The following GRIN2A variants were observed in gnomAD, a reference collection of about 807,000 sequenced individuals.
GRIN2A encodes the protein glutamate receptor ionotropic, NMDA 2A.
GRIN2A carries 22 observed loss-of-function variants against 113.4 expected under a neutral mutation model. The observed-to-expected ratio is 0.19, with a 90% CI of 0.14 to 0.28. The LOEUF (loss-of-function observed/expected upper bound fraction) is 0.28, where lower values mean the gene tolerates loss of function less well. GRIN2A is among the 10% of genes least tolerant of loss of function. GRIN2A has a pLI of 1.00. For synonymous variants in GRIN2A, 827 were observed against 738.4 expected, an observed-to-expected ratio of 1.12 and a Z score of -1.94; for missense variants, 1,502 against 1,887.0, an observed-to-expected ratio of 0.80 and a Z score of 3.78.
chr16:9,809,599 T>A (rs13336207), intron 10 of GRIN2A, among the ~76,000 whole-genome samples: 2,356 of 152,056 alleles, frequency 0.015, 63 homozygotes, highest in African/African-American at 0.054. Context: ...AGAAGCAATA[T>A]AGCATAATGG....
At chr16:10,170,406 T>C (rs748716062) in intron 2 of GRIN2A, among the ~76,000 whole-genome samples, 29 of 152,206 alleles carry the variant, frequency 1.9e-4, no homozygotes, top group Non-Finnish European at 3.2e-4. Context: ...ACCTAATGTA[T>C]AGCATGGTGA....
At chr16:10,068,563 C>T (rs1207795185) in intron 2 of GRIN2A, among the ~76,000 whole-genome samples, 1 of 152,180 alleles carries the variant, frequency 6.6e-6, no homozygotes, top group African/African-American at 2.4e-5. Flanking sequence ...CCAAGCCATT[C>T]ACAAGGGATC....
At chr16:10,163,165 C>A (rs1003307763) in intron 2 of GRIN2A, among the ~76,000 whole-genome samples, 1 of 152,172 alleles carries the variant, frequency 6.6e-6, no homozygotes, top group African/African-American at 2.4e-5. Context: ...AGACAGGGAA[C>A]ATGGGAGTGG....
chr16:9,989,977 T>C (rs1237480006), intron 2 of GRIN2A, among the ~76,000 whole-genome samples: 2 of 152,196 alleles, frequency 1.3e-5, no homozygotes, highest in East Asian at 3.8e-4. Flanking sequence ...AGTTTGGAGA[T>C]TTCTCAAAGA....
chr16:9,788,773 C>A (rs1316363815), intron 11 of GRIN2A, among the ~76,000 whole-genome samples: 1 of 136,878 alleles, frequency 7.3e-6, no homozygotes, highest in Non-Finnish European at 1.6e-5. Context: ...GACAGAGTCT[C>A]ATTTTGTTGC....
intron 3 of GRIN2A, among the ~76,000 whole-genome samples, chr16:9,900,506 T>G (rs1367089250): frequency 6.6e-6 from 1 of 152,160 alleles, no homozygotes; most frequent in African/African-American, 2.4e-5. Context: ...AAAGCTTTTT[T>G]CTGTAAATAT....
intron 2 of GRIN2A, among the ~76,000 whole-genome samples, chr16:9,993,567 A>G (rs1032171657): frequency 1.3e-5 from 2 of 152,148 alleles, no homozygotes; most frequent in African/African-American, 4.8e-5. Context: ...CTAAAATAAA[A>G]TAAATAATAA....
At chr16:9,860,889 A>C (rs1252298310) in intron 4 of GRIN2A, among the ~76,000 whole-genome samples, 1 of 152,206 alleles carries the variant, frequency 6.6e-6, no homozygotes, top group East Asian at 1.9e-4. Context: ...GCTCACCCAC[A>C]ATGCAGTTCA....
chr16:9,977,183 T>C (rs1016227086), intron 2 of GRIN2A, among the ~76,000 whole-genome samples: 5 of 151,844 alleles, frequency 3.3e-5, no homozygotes, highest in Admixed American at 2.0e-4. Flanking sequence ...TCCCAGCTAC[T>C]TGGGAGGCTG....
At chr16:9,965,623 A>C (rs2045542021) in intron 2 of GRIN2A, among the ~76,000 whole-genome samples, 1 of 152,222 alleles carries the variant, frequency 6.6e-6, no homozygotes, top group Non-Finnish European at 1.5e-5. Flanking sequence ...CCAACAGTCC[A>C]TCTCTGATGT....
intron 2 of GRIN2A, among the ~76,000 whole-genome samples, chr16:10,080,317 G>C (rs761114705): frequency 9.2e-5 from 14 of 152,122 alleles, no homozygotes; most frequent in Non-Finnish European, 1.6e-4. Flanking sequence ...CCACCAAAAG[G>C]CACCTTTTTA....
intron 2 of GRIN2A, among the ~76,000 whole-genome samples, chr16:10,036,009 C>A (rs7199239): frequency 6.6e-6 from 1 of 152,154 alleles, no homozygotes; most frequent in East Asian, 1.9e-4. Context: ...CAGGCGTAAG[C>A]CACCATGCCC....
In GRIN2A at chr16:9,788,743, T is replaced by C. The variant is rs67399083; in HGVS notation, c.2356+9534A>G. On this transcript the variant is annotated intron_variant, in intron 11 of 12. Transcript: ENST00000330684. The stretch of plus-strand genomic sequence containing the variant: ...TGGACAACCAACTTTAAGTCTTCTT[T>C]TTTTTTTTTTTTTTTCTGAGACAGA... Among the ~76,000 whole-genome samples, 313 of 69,906 alleles carry C rather than the reference T, an allele frequency of 4.5e-3. 2 individuals carry two copies. The highest frequency in any genetic ancestry group is 7.2e-3 in the African/African-American group (78 of 10,854). The allele number at this position is 69,906 out of a possible 152,430, so 45.9% of individuals were successfully genotyped here.
intron 2 of GRIN2A, among the ~76,000 whole-genome samples, chr16:10,160,518 A>T (rs1231478531): frequency 1.3e-5 from 2 of 152,198 alleles, no homozygotes. Context: ...TTTTGGTAAC[A>T]AGAAGGATCA....
rs542256226 is a variant in GRIN2A, at chr16:10,180,338, G to C, written c.74C>G (p.Ala25Gly). 1 of 1,608,900 alleles carries C rather than the reference G, an allele frequency of 6.2e-7. No individual in the cohort carries two copies. Among genetic ancestry groups the C allele is most frequent in the Admixed American group, 1.7e-5 (1 of 59,982 alleles). Residue 25 changes from alanine (A) to glycine (G), a missense_variant, in exon 2 of 13, where the codon GCG (alanine) becomes GGG (glycine). By Grantham distance (60) the Ala-to-Gly change is moderately conservative. Transcript: ENST00000330684. The surrounding 1 kb of genome is among the most constrained non-coding windows in gnomAD (Gnocchi z 7.0). ...CGCGGGGGGACCCTTCTCCGCCGCC[G>C]CGCTCGGCGCCGGACCGCGCCAGAC... is the stretch of plus-strand genomic sequence containing the variant. ...LLVWRGPAPS[A>G]AAEKGPPALN...
At chr16:10,075,493 C>T (rs891473435) in intron 2 of GRIN2A, among the ~76,000 whole-genome samples, 2 of 151,942 alleles carry the variant, frequency 1.3e-5, no homozygotes, top group African/African-American at 2.4e-5. Context: ...CGATTTGGAA[C>T]GATGGAAAAG....
intron 10 of GRIN2A, among the ~76,000 whole-genome samples, chr16:9,818,507 G>C (rs531056015): frequency 6.7e-6 from 1 of 148,974 alleles, no homozygotes; most frequent in East Asian, 2.0e-4. Context: ...AAAAAAGCAA[G>C]CTCAAAAGAC....
intron 5 of GRIN2A, among the ~76,000 whole-genome samples, 194 bp downstream of exon 5, chr16:9,849,562 A>C (rs566914446): frequency 5.3e-4 from 80 of 152,304 alleles, no homozygotes; most frequent in Non-Finnish European, 7.4e-4. Context: ...GGTGGAATTA[A>C]ATGAATGCAA....
chr16:10,170,618 G>A (rs1326638695), intron 2 of GRIN2A, among the ~76,000 whole-genome samples: 1 of 152,174 alleles, frequency 6.6e-6, no homozygotes, highest in African/African-American at 2.4e-5. Flanking sequence ...GCTTATGCCT[G>A]TAATACCAGC....
Sources: allele counts gnomAD v4.1 joint callset (sites outside exome capture counted in the v4.1 genomes callset), GRCh38; gene constraint gnomAD v4.1.1; non-coding constraint Gnocchi (gnomAD v3.1); transcripts MANE v1.5; gene names NCBI Gene and HGNC (gene_info 2026-07-23, HGNC 2026-07-21).